Variants in RELN observed in about 807,000 individuals in gnomAD.
RELN encodes the protein reelin.
A neutral mutation model predicts 427.6 loss-of-function variants in RELN; 108 were observed. The observed-to-expected ratio is 0.25, with a 90% confidence interval of 0.22 to 0.30. The LOEUF (loss-of-function observed/expected upper bound fraction) is 0.30, where lower values mean the gene tolerates loss of function less well. RELN is among the 10% of genes least tolerant of loss of function. The probability of loss-of-function intolerance (pLI) is 1.00; values close to 1 mark genes in which losing one functional copy is unlikely to be tolerated. For missense variants in RELN, 3,715 were observed against 4,302.8 expected (o/e 0.86, Z 3.82); for synonymous variants, 1,524 against 1,513.4 (o/e 1.01, Z -0.16).
At chr7:103,752,732 G>T (rs565995446) in intron 5 of RELN, among the ~76,000 whole-genome samples, 1 of 152,250 alleles carries the variant, frequency 6.6e-6, no homozygotes, top group Admixed American at 6.5e-5. Context: ...AATTTTTAAA[G>T]AAATGACAAA....
intron 41 of RELN, among the ~76,000 whole-genome samples, chr7:103,546,537 T>C (rs779734763): frequency 7.2e-5 from 11 of 152,246 alleles, no homozygotes; most frequent in Non-Finnish European, 1.0e-4. Flanking sequence ...ATGGACCTTA[T>C]GGTAAATGAC....
chr7:103,787,168 A>G (rs1367619880), intron 3 of RELN, among the ~76,000 whole-genome samples: 1 of 152,166 alleles, frequency 6.6e-6, no homozygotes, highest in Non-Finnish European at 1.5e-5. Flanking sequence ...AAGACACAAC[A>G]TACTAGAATC....
rs906695362 is a variant in RELN at position 103,632,376 on chromosome 7, T to C, written c.2466-2200A>G. On this transcript the variant is annotated intron_variant, in intron 19 of 64. Coordinates refer to ENST00000428762, the MANE Select transcript of RELN (RefSeq NM_005045.4). ...TGGCACATAATAAGGACTCAACAAA[T>C]TTTTGCTGCATAGTACGTATTATCA... 2.0e-5 allele frequency among the ~76,000 whole-genome samples: 3 copies of C among 152,176 alleles called. No homozygotes were observed. The East Asian group carries it at 5.8e-4, about 29-fold the overall frequency.
intron 4 of RELN, among the ~76,000 whole-genome samples, chr7:103,759,513 G>C (rs2116121005): frequency 6.6e-6 from 1 of 152,204 alleles, no homozygotes; most frequent in Non-Finnish European, 1.5e-5. Flanking sequence ...AAAGCTCTTA[G>C]CTCGTATATG....
chr7:103,602,155 A>G (rs961845744), intron 24 of RELN, among the ~76,000 whole-genome samples: 7 of 152,198 alleles, frequency 4.6e-5, no homozygotes, highest in African/African-American at 1.7e-4. Flanking sequence ...CCTATATGTT[A>G]TGAAGTGTTC....
chr7:103,945,893 C>A (rs941062387), intron 1 of RELN, among the ~76,000 whole-genome samples: 1 of 152,138 alleles, frequency 6.6e-6, no homozygotes, highest in African/African-American at 2.4e-5. Flanking sequence ...AGCTTAGGAG[C>A]AACAAGGCTG....
rs1249680165 is a variant in RELN, at chr7:103,989,377, C to CGCCGCG, written c.-27_-22dup. 4.2e-6 allele frequency: 6 copies of CGCCGCG among 1,437,922 alleles called. No homozygotes were observed. The highest frequency in any genetic ancestry group is 1.5e-5 in the African/African-American group (1 of 66,422). 89.1% of individuals were successfully genotyped at this position (1,437,922 alleles called of 1,614,324 possible). A position where few individuals can be genotyped will look rare whatever the true frequency, so the allele number is the denominator to read the frequency against. ...TCCATGCCGCCGCCGCCGCCGCCGCCGCCGCGCGCCCTACGCGCCGCTCGC... is the reference window on the plus strand; with the variant it reads ...TCCATGCCGCCGCCGCCGCCGCCGCCGCCGCGGCCGCGCGCCCTACGCGCCGCTCGC... On this transcript the variant is annotated 5_prime_UTR_variant, in exon 1 of 65. Coordinates refer to ENST00000428762, the MANE Select transcript of RELN (RefSeq NM_005045.4). The surrounding 1 kb of genome is among the most constrained non-coding windows in gnomAD (Gnocchi z 4.9).
At chr7:103,599,459 T>A (rs995200238) in intron 24 of RELN, among the ~76,000 whole-genome samples, 2 of 152,044 alleles carry the variant, frequency 1.3e-5, no homozygotes, top group African/African-American at 4.8e-5. Flanking sequence ...GTCTCAAGAG[T>A]ATGTATTGAT....
intron 57 of RELN, among the ~76,000 whole-genome samples, chr7:103,494,394 GGA>G (rs1828767338): frequency 3.0e-5 from 4 of 134,436 alleles, no homozygotes; most frequent in South Asian, 2.5e-4. Context: ...TGTGTGTGTG[GGA>G]TATGGTCTTG....
In RELN at chr7:103,806,318, ACTTT is replaced by A. The variant is rs908740527; in HGVS notation, c.473+27215_473+27218del. ...AGGGGGAATGGAACTCCCTCTAAGC[ACTTT>A]CTTTCTTTTTTCTTTTTTTTTAGAC... On this transcript the variant is annotated intron_variant, in intron 3 of 64. Transcript: ENST00000428762. Among the ~76,000 whole-genome samples, 69 of 151,976 alleles carry A rather than the reference ACTTT, an allele frequency of 4.5e-4. 1 individual carries two copies. Among genetic ancestry groups the A allele is most frequent in the African/African-American group, 1.4e-3 (60 of 41,482 alleles).
chr7:103,587,895 G>A (rs1359313979), intron 28 of RELN, among the ~76,000 whole-genome samples: 1 of 152,106 alleles, frequency 6.6e-6, no homozygotes, highest in Non-Finnish European at 1.5e-5. Flanking sequence ...AACAGATGTT[G>A]GTGAGGATAT....
intron 6 of RELN, among the ~76,000 whole-genome samples, chr7:103,744,215 T>C (rs370589172): frequency 1.3e-5 from 2 of 151,970 alleles, no homozygotes; most frequent in African/African-American, 4.8e-5. Context: ...TTGAAACCAA[T>C]GAGAACAAAG....
chr7:103,757,141 C>T (rs777851990), intron 4 of RELN, among the ~76,000 whole-genome samples: 23 of 152,182 alleles, frequency 1.5e-4, no homozygotes, highest in Admixed American at 3.9e-4. Context: ...ACCTGCCTTG[C>T]CTCATACTAG....
chr7:103,709,815 G>A (rs1181044675), intron 8 of RELN, among the ~76,000 whole-genome samples: 1 of 152,068 alleles, frequency 6.6e-6, no homozygotes, highest in Admixed American at 6.5e-5. Flanking sequence ...AAAAAATATT[G>A]TTTTGCATTA....
At chr7:103,823,678 T>C (rs1365589062) in intron 3 of RELN, among the ~76,000 whole-genome samples, 3 of 152,130 alleles carry the variant, frequency 2.0e-5, no homozygotes, top group Non-Finnish European at 1.5e-5. Context: ...GGTATATATG[T>C]TATACATAAA....
intron 19 of RELN, among the ~76,000 whole-genome samples, chr7:103,634,548 A>G (rs915960718): frequency 2.6e-5 from 4 of 152,164 alleles, no homozygotes; most frequent in South Asian, 2.1e-4. Flanking sequence ...GACAACGGAT[A>G]CTATATATGA....
rs1187755955 is a variant in RELN, at chr7:103,603,976, T to A, written c.3146+370A>T. ...ATTAGCAATAATCACCATCTCCCCA[T>A]GTATACAACCTTGAACTTCTGGTGA... On this transcript the variant is annotated intron_variant, in intron 23 of 64. Transcript: ENST00000428762. This position sits in a 1 kb window ranked among gnomAD's most constrained non-coding sequence, Gnocchi z 4.3. 6.6e-6 allele frequency among the ~76,000 whole-genome samples: 1 copy of A among 152,168 alleles called. No individual in the cohort carries two copies. Among genetic ancestry groups the A allele is most frequent in the Non-Finnish European group, 1.5e-5 (1 of 68,026 alleles).
At chr7:103,829,034 G>A (rs1454983977) in intron 3 of RELN, among the ~76,000 whole-genome samples, 1 of 151,918 alleles carries the variant, frequency 6.6e-6, no homozygotes, top group Admixed American at 6.6e-5. Context: ...CACTAGGTGA[G>A]TTACCTTAGG....
intron 58 of RELN, among the ~76,000 whole-genome samples, chr7:103,491,207 C>G (rs10278964): frequency 0.18 from 27,942 of 152,092 alleles, 2,764 homozygotes; most frequent in African/African-American, 0.27. Flanking sequence ...AATAAGGTAA[C>G]TGAACTATGT....
Sources: gnomAD v4.1 joint callset for allele counts (sites outside exome capture counted in the v4.1 genomes callset) on GRCh38, gnomAD v4.1.1 for gene constraint, Gnocchi (gnomAD v3.1) non-coding constraint, MANE v1.5 for transcripts, NCBI Gene and HGNC (gene_info 2026-07-23, HGNC 2026-07-21) for gene names.